Variants in SLC16A7 observed in about 807,000 individuals in gnomAD.
SLC16A7 encodes monocarboxylate transporter 2.
SLC16A7 carries 33 observed loss-of-function variants against 34.9 expected under a neutral mutation model. The observed-to-expected ratio is 0.94, with a 90% confidence interval of 0.72 to 1.26. The LOEUF is 1.26. Ranked by LOEUF, SLC16A7 falls within the 50% of genes most tolerant of loss-of-function variation. The pLI is 0.00. For missense variants in SLC16A7, 573 were observed against 578.1 expected (o/e 0.99, Z 0.09); for synonymous variants, 201 against 206.6 (o/e 0.97, Z 0.23).
chr12:59,675,525 C>T (rs1870235380), intron 2 of SLC16A7, among the ~76,000 whole-genome samples: 1 of 152,166 alleles, frequency 6.6e-6, no homozygotes, highest in South Asian at 2.1e-4. Context: ...GAAGCCACCA[C>T]TGTATTTTGT....
chr12:59,755,160 C>T (rs1339262200), intron 3 of SLC16A7, among the ~76,000 whole-genome samples: 1 of 152,084 alleles, frequency 6.6e-6, no homozygotes, highest in Non-Finnish European at 1.5e-5. Context: ...ACTGAATGGG[C>T]AAAAACTGGA....
chr12:59,617,900 G>T (rs1879526260), intron 1 of SLC16A7, among the ~76,000 whole-genome samples: 1 of 151,756 alleles, frequency 6.6e-6, no homozygotes, highest in Admixed American at 6.6e-5. Flanking sequence ...CTGACATCTT[G>T]ATTTTCCTTA....
At chr12:59,642,434 T>C (rs958682801) in intron 1 of SLC16A7, among the ~76,000 whole-genome samples, 1 of 152,084 alleles carries the variant, frequency 6.6e-6, no homozygotes, top group Non-Finnish European at 1.5e-5. Flanking sequence ...GTTTCTTCAT[T>C]TGCATCTCCT....
intron 3 of SLC16A7, among the ~76,000 whole-genome samples, chr12:59,726,832 GA>G (rs1277759842): frequency 1.3e-5 from 2 of 151,712 alleles, no homozygotes; most frequent in South Asian, 2.1e-4. Context: ...TACATAATCT[GA>G]AAAAAATTAG....
intron 1 of SLC16A7, among the ~76,000 whole-genome samples, chr12:59,603,424 C>T (rs1317610017): frequency 2.6e-5 from 4 of 152,194 alleles, no homozygotes; most frequent in Non-Finnish European, 4.4e-5. Flanking sequence ...CGTTCATTCT[C>T]ATTCTACTTC....
chr12:59,610,476 T>C (rs1287449418), intron 1 of SLC16A7, among the ~76,000 whole-genome samples: 4 of 152,242 alleles, frequency 2.6e-5, no homozygotes, highest in Non-Finnish European at 5.9e-5. Context: ...TGAATATTGT[T>C]TTCTTCTTTT....
At chr12:59,684,321 T>C (rs77523321) in intron 2 of SLC16A7, among the ~76,000 whole-genome samples, 11,583 of 152,160 alleles carry the variant, frequency 0.076, 488 homozygotes, top group Middle Eastern at 0.17. Flanking sequence ...CATAAGTAAA[T>C]GGATTAGCAT....
intron 1 of SLC16A7, among the ~76,000 whole-genome samples, chr12:59,639,066 T>C (rs1328500338): frequency 6.6e-6 from 1 of 152,148 alleles, no homozygotes; most frequent in South Asian, 2.1e-4. Flanking sequence ...TCAACACCTG[T>C]TTCAGGAGTT....
chr12:59,676,344 T>A (rs1870311425), intron 2 of SLC16A7, among the ~76,000 whole-genome samples: 1 of 152,210 alleles, frequency 6.6e-6, no homozygotes, highest in Non-Finnish European at 1.5e-5. Context: ...TATTTTAAAT[T>A]GAACTTTTAT....
intron 3 of SLC16A7, among the ~76,000 whole-genome samples, chr12:59,721,669 A>T (rs1330811279): frequency 6.6e-6 from 1 of 151,652 alleles, no homozygotes; most frequent in African/African-American, 2.4e-5. Flanking sequence ...CCCCACTCCA[A>T]TCAGAATTTT....
At chr12:59,775,749 G>C (rs1232432786) in intron 5 of SLC16A7, among the ~76,000 whole-genome samples, 1 of 151,912 alleles carries the variant, frequency 6.6e-6, no homozygotes, top group Non-Finnish European at 1.5e-5. Context: ...ATCTACTTCA[G>C]TTGTTTTGGT....
At chr12:59,738,846 T>C (rs1402372073) in intron 3 of SLC16A7, among the ~76,000 whole-genome samples, 2 of 151,486 alleles carry the variant, frequency 1.3e-5, no homozygotes, top group Non-Finnish European at 2.9e-5. Flanking sequence ...TTTTTTTTAG[T>C]TTACATTTTT....
chr12:59,727,434 AT>A (rs1876419652), intron 3 of SLC16A7, among the ~76,000 whole-genome samples: 1 of 152,136 alleles, frequency 6.6e-6, no homozygotes, highest in Non-Finnish European at 1.5e-5. Context: ...ATATCATGAA[AT>A]TTAAAGGCAC....
chr12:59,722,547 C>G (rs1166287479), intron 3 of SLC16A7, among the ~76,000 whole-genome samples: 1 of 151,912 alleles, frequency 6.6e-6, no homozygotes, highest in African/African-American at 2.4e-5. Flanking sequence ...CTTTTGCTCA[C>G]TCTGCTTTAG....
In SLC16A7 at chr12:59,596,586, G is replaced by A. The variant is rs1878410396; in HGVS notation, c.-130+350G>A. Among the ~76,000 whole-genome samples the A allele has an allele frequency of 1.3e-5, 2 of 151,958 alleles. No homozygotes were observed. Among genetic ancestry groups the A allele is most frequent in the South Asian group, 4.2e-4 (2 of 4,814 alleles). On this transcript the variant is annotated intron_variant, in intron 1 of 5. Transcript: ENST00000547379. This position sits in a 1 kb window ranked among gnomAD's most constrained non-coding sequence, Gnocchi z 5.0. ...CTTTTACACCGAGACTCAGCGTGGC[G>A]CGGTGCACCCCAGTCTCCCTGGCTC...
intron 2 of SLC16A7, among the ~76,000 whole-genome samples, chr12:59,660,590 T>A (rs1461275540): frequency 6.6e-6 from 1 of 151,640 alleles, no homozygotes; most frequent in Non-Finnish European, 1.5e-5. Context: ...GGCATGTATC[T>A]GTATTCCCAC....
Position 59,774,782 on chromosome 12 carries a change from C to G in SLC16A7, c.487C>G (p.Pro163Ala). 3.7e-6 allele frequency: 6 copies of G among 1,613,924 alleles called. No homozygotes were observed. Among genetic ancestry groups the G allele is most frequent in the Non-Finnish European group, 5.1e-6 (6 of 1,179,932 alleles). The part of the protein sequence containing the change: ...GSPVFLSSLA[P>A]FNQYLFNTFG... ...TCCTGTTTTCTTAAGTTCATTGGCT[C>G]CTTTCAATCAGTACCTTTTTAATAC... is the stretch of plus-strand genomic sequence containing the variant. Residue 163 changes from proline to alanine, a missense_variant, in exon 5 of 6, where the codon CCT becomes GCT. Transcript: ENST00000547379.
intron 2 of SLC16A7, among the ~76,000 whole-genome samples, chr12:59,660,818 T>C (rs927618675): frequency 6.6e-6 from 1 of 152,134 alleles, no homozygotes; most frequent in Non-Finnish European, 1.5e-5. Context: ...TGTGGAAGGA[T>C]CTCATACCCT....
At chr12:59,751,537 A>T (rs554816943) in intron 3 of SLC16A7, among the ~76,000 whole-genome samples, 3 of 152,360 alleles carry the variant, frequency 2.0e-5, no homozygotes, top group Admixed American at 6.5e-5. Flanking sequence ...GCAAGGCGGC[A>T]GCGAGGCTGG....
Sources: allele counts gnomAD v4.1 joint callset (sites outside exome capture counted in the v4.1 genomes callset), GRCh38; gene constraint gnomAD v4.1.1; non-coding constraint Gnocchi (gnomAD v3.1); transcripts MANE v1.5; gene names NCBI Gene and HGNC (gene_info 2026-07-23, HGNC 2026-07-21).